Variants in C5orf47 observed in about 807,000 individuals in gnomAD.
C5orf47 encodes the protein chromosome 5 open reading frame 47, also known as uncharacterized protein C5orf47.
A neutral mutation model predicts 20.6 loss-of-function variants in C5orf47; 20 were observed. The ratio of observed to expected loss-of-function variants is 0.97; its 90% confidence interval spans 0.68 to 1.41. The LOEUF (loss-of-function observed/expected upper bound fraction) is 1.41, where lower values mean the gene tolerates loss of function less well. Among genes scored for constraint, C5orf47 ranks in the 40% most tolerant of loss-of-function variants. The pLI is 0.00. For missense variants in C5orf47, 262 were observed against 238.4 expected (o/e 1.10, Z -0.65); for synonymous variants, 106 against 97.3 (o/e 1.09, Z -0.53).
chr5:173,993,135 G>A (rs1408557563), intron 1 of C5orf47, among the ~76,000 whole-genome samples: 1 of 152,048 alleles, frequency 6.6e-6, no homozygotes, highest in Non-Finnish European at 1.5e-5. Flanking sequence ...CATTTTTGTA[G>A]TATTTCTAGT....
intron 3 of C5orf47, among the ~76,000 whole-genome samples, chr5:174,000,994 G>A (rs1436536844): frequency 2.6e-5 from 4 of 152,044 alleles, no homozygotes; most frequent in African/African-American, 7.2e-5. Context: ...TTAATATGCT[G>A]TGTTTTCCAT....
intron 1 of C5orf47, among the ~76,000 whole-genome samples, chr5:173,993,511 C>A (rs985913041): frequency 6.6e-6 from 1 of 151,994 alleles, no homozygotes; most frequent in South Asian, 2.1e-4. Flanking sequence ...TGTGGTGGTG[C>A]GCGCCTGCTG....
chr5:174,002,589 T>C (rs1324324839), intron 4 of C5orf47, among the ~76,000 whole-genome samples: 2 of 147,116 alleles, frequency 1.4e-5, no homozygotes, highest in Non-Finnish European at 3.0e-5. Flanking sequence ...GTTTGCTTGC[T>C]CATTCTTCTT....
intron 1 of C5orf47, among the ~76,000 whole-genome samples, chr5:173,992,055 G>A (rs1444215374): frequency 6.6e-6 from 1 of 152,060 alleles, no homozygotes; most frequent in African/African-American, 2.4e-5. Flanking sequence ...GGAATTATCT[G>A]TCTCATCTGG....
chr5:173,998,669 G>A (rs758460280), intron 2 of C5orf47, among the ~76,000 whole-genome samples: 18 of 152,316 alleles, frequency 1.2e-4, no homozygotes, highest in African/African-American at 2.2e-4. Flanking sequence ...AGAAGGATGA[G>A]CCACTGCTGC....
rs1031181171 is a variant in C5orf47 at position 174,001,192 on chromosome 5, G to T, written c.512-4G>T. On this transcript the variant is annotated splice_polypyrimidine_tract_variant and splice_region_variant and intron_variant, in intron 3 of 4. Coordinates refer to ENST00000340147, the MANE Select transcript of C5orf47 (RefSeq NM_001144954.2). The stretch of plus-strand genomic sequence containing the variant: ...ATTTTCCTTATTTTTTATGTTGTTT[G>T]CAGGCTCAAATTACACAAGATGAAT... 4.0e-6 allele frequency: 6 copies of T among 1,517,490 alleles called. No homozygotes were observed. Among genetic ancestry groups the T allele is most frequent in the Non-Finnish European group, 5.4e-6 (6 of 1,119,832 alleles). 94.0% of individuals were successfully genotyped at this position (1,517,490 alleles called of 1,614,324 possible).
chr5:173,996,818 C>T (rs989812050), intron 1 of C5orf47, among the ~76,000 whole-genome samples: 6 of 152,058 alleles, frequency 3.9e-5, no homozygotes, highest in South Asian at 2.1e-4. Flanking sequence ...TCTGTGGTCA[C>T]GAAGGGAGAC....
chr5:173,989,222 T>A lies in C5orf47; in HGVS notation c.-42T>A. Reference sequence around the variant, plus strand: ...AGTGGGCAGTCTGGCGCCTGTGGCGTCGTGTTTGCTGAGGGCCCGGCTGCC... The same window carrying A: ...AGTGGGCAGTCTGGCGCCTGTGGCGACGTGTTTGCTGAGGGCCCGGCTGCC... On this transcript the variant is annotated 5_prime_UTR_variant, in exon 1 of 5. Coordinates refer to ENST00000340147, the MANE Select transcript of C5orf47 (RefSeq NM_001144954.2). 1.5e-6 allele frequency: 2 copies of A among 1,360,460 alleles called. No individual in the cohort carries two copies. Among genetic ancestry groups the A allele is most frequent in the Non-Finnish European group, 1.9e-6 (2 of 1,057,634 alleles). The allele number at this position is 1,360,460 out of a possible 1,614,324, so 84.3% of individuals were successfully genotyped here.
At chr5:173,993,372 G>A (rs12522250) in intron 1 of C5orf47, among the ~76,000 whole-genome samples, 11 of 152,194 alleles carry the variant, frequency 7.2e-5, no homozygotes, top group Admixed American at 7.2e-4. Flanking sequence ...GCCAGGCGCG[G>A]TGGCTCATGC....
chr5:173,989,356 A>G lies in C5orf47; in HGVS notation c.93A>G (p.Gln31=), dbSNP rs1758931089. 18 of 1,507,530 alleles carry G rather than the reference A, an allele frequency of 1.2e-5. No homozygotes were observed. Among genetic ancestry groups the G allele is most frequent in the Non-Finnish European group, 1.5e-5 (17 of 1,124,288 alleles). The allele number at this position is 1,507,530 out of a possible 1,614,324, so 93.4% of individuals were successfully genotyped here. A position where few individuals can be genotyped will look rare whatever the true frequency, so the allele number is the denominator to read the frequency against. Reference sequence around the variant, plus strand: ...CGCATCAGTGCAGTGGCGTCCTGCAACTGGGCGGCCGTGGAGCTCAAGGCC... The same window carrying G: ...CGCATCAGTGCAGTGGCGTCCTGCAGCTGGGCGGCCGTGGAGCTCAAGGCC... ...FGSHQCSGVL[Q]LGGRGAQGLW... Residue 31 remains glutamine (Q), a synonymous_variant, in exon 1 of 5, where the codon CAA becomes CAG. Coordinates refer to ENST00000340147, the MANE Select transcript of C5orf47 (RefSeq NM_001144954.2).
At chr5:173,995,222 A>G (rs1031247418) in intron 1 of C5orf47, among the ~76,000 whole-genome samples, 3 of 152,248 alleles carry the variant, frequency 2.0e-5, no homozygotes, top group African/African-American at 7.2e-5. Context: ...TGTGAGCACT[A>G]GGTCAGATGT....
chr5:173,989,896 C>T (rs553718019), intron 1 of C5orf47, among the ~76,000 whole-genome samples: 43 of 152,296 alleles, frequency 2.8e-4, no homozygotes, highest in East Asian at 1.9e-3. Flanking sequence ...CTTCGCAAAC[C>T]CCCTCACCTG....
At chr5:174,006,190 GT>G (rs1265590918), downstream of C5orf47, 16 of 152,414 alleles carry the variant, frequency 1.0e-4, no homozygotes, top group East Asian at 3.0e-3. Flanking sequence ...CATTTGTCTA[GT>G]TTTCATGAGT....
rs570464002 is a variant in C5orf47, at chr5:173,994,719, A to G, written c.326-3434A>G. On this transcript the variant is annotated intron_variant, in intron 1 of 4. Coordinates refer to ENST00000340147, the MANE Select transcript of C5orf47 (RefSeq NM_001144954.2). ...TGCTTGCGAAGCCAAGGTTATAGTC[A>G]AGGGAAGGGGGTCCTGGGGTAGACT... Among the ~76,000 whole-genome samples the G allele has an allele frequency of 1.3e-3, 195 of 152,326 alleles. 2 individuals are homozygous for G. Among genetic ancestry groups the G allele is most frequent in the Non-Finnish European group, 1.2e-3 (80 of 68,014 alleles).
In C5orf47 at chr5:173,998,411, A is replaced by G. The variant is rs1488538589; in HGVS notation, c.411+173A>G. The stretch of plus-strand genomic sequence containing the variant: ...AAGAAATGGAACTGGGTTTGGAAAT[A>G]TTTATTAACCATAAAGAATTGTCCT... On this transcript the variant is annotated intron_variant, in intron 2 of 4. Transcript: ENST00000340147. 2.0e-5 allele frequency among the ~76,000 whole-genome samples: 3 copies of G among 152,336 alleles called. No individual in the cohort carries two copies. The East Asian group carries it at 5.8e-4, about 29-fold the overall frequency.
intron 4 of C5orf47, among the ~76,000 whole-genome samples, chr5:174,001,507 G>A (rs1041357960): frequency 1.3e-5 from 2 of 150,172 alleles, no homozygotes. Context: ...TTTTTCTATC[G>A]TACCCTCTGA....
At position 174,005,794 on chromosome 5, in the gene C5orf47, A is replaced by C. The variant is rs1759282401; in HGVS notation, c.*1540A>C. ...TGTGACTTATACAACTTGACATAGT[A>C]GTCTGTTTTAATTTATTAGGTATAT... On this transcript the variant is annotated 3_prime_UTR_variant, in exon 5 of 5. Coordinates refer to ENST00000340147, the MANE Select transcript of C5orf47 (RefSeq NM_001144954.2). The C allele has an allele frequency of 6.6e-6, 1 of 152,332 alleles. No individual in the cohort carries two copies. The highest frequency in any genetic ancestry group is 1.5e-5 in the Non-Finnish European group (1 of 68,036). 9.4% of individuals were successfully genotyped at this position (152,332 alleles called of 1,614,324 possible).
rs940543474 is a variant in C5orf47 at position 173,989,601 on chromosome 5, G to C, written c.325+13G>C. ...TCGGCGCGTGCAGGTGGTGCAGCGG[G>C]GCAGGGCGGGACCGGGCGCGGCGGG... is the stretch of plus-strand genomic sequence containing the variant. On this transcript the variant is annotated intron_variant, in intron 1 of 4. Transcript: ENST00000340147. 7.0e-7 allele frequency: 1 copy of C among 1,424,926 alleles called. No individual in the cohort carries two copies. The highest frequency in any genetic ancestry group is 1.5e-5 in the South Asian group (1 of 67,162). 88.3% of individuals were successfully genotyped at this position (1,424,926 alleles called of 1,614,324 possible).
At chr5:173,990,573 T>TA (rs760907940) in intron 1 of C5orf47, among the ~76,000 whole-genome samples, 49 of 152,162 alleles carry the variant, frequency 3.2e-4, no homozygotes, top group Non-Finnish European at 5.4e-4. Flanking sequence ...TAGCTGAGAT[T>TA]ACAGGCACCT....
Sources: gnomAD v4.1 joint callset for allele counts (sites outside exome capture counted in the v4.1 genomes callset) on GRCh38, gnomAD v4.1.1 for gene constraint, MANE v1.5 for transcripts, NCBI Gene and HGNC (gene_info 2026-07-23, HGNC 2026-07-21) for gene names.